The following XRN1 variants were observed in gnomAD, a reference collection of about 807,000 sequenced individuals.
XRN1 encodes strand-exchange protein 1 homolog.
In XRN1, 67 loss-of-function variants were observed where a neutral mutation model predicts 222.3. The ratio of observed to expected loss-of-function variants is 0.30; its 90% CI spans 0.25 to 0.37. XRN1 has a LOEUF of 0.37. Ranked by LOEUF, XRN1 falls within the 10% of genes least tolerant of loss-of-function variation. XRN1 has a pLI of 1.00. For missense variants in XRN1, 1,707 were observed against 2,000.2 expected (o/e 0.85, Z 2.80); for synonymous variants, 643 against 652.4 (o/e 0.99, Z 0.22).
rs983343795 is a variant in XRN1, at chr3:142,317,017, T to G, written c.4621+1575A>C. 3.1e-4 allele frequency among the ~76,000 whole-genome samples: 47 copies of G among 152,356 alleles called. 1 individual carries two copies. Among genetic ancestry groups the G allele is most frequent in the Middle Eastern group, 3.4e-3 (1 of 294 alleles). ...AGAGAAATTAGGATGAAACTCATTCTGCCTCAGGGTTTTGAGGTATTCAAT... is the reference window on the plus strand; with the variant it reads ...AGAGAAATTAGGATGAAACTCATTCGGCCTCAGGGTTTTGAGGTATTCAAT... On this transcript the variant is annotated intron_variant, in intron 39 of 40. Coordinates refer to ENST00000392981, the MANE Select transcript of XRN1 (RefSeq NM_001282857.2).
chr3:142,374,061 C>T (rs886520783), intron 25 of XRN1, among the ~76,000 whole-genome samples: 3 of 152,050 alleles, frequency 2.0e-5, no homozygotes, highest in East Asian at 3.8e-4. Context: ...GGCAAACTAT[C>T]GATCAAGTGC....
In XRN1 at chr3:142,307,716, C is replaced by T. The variant is rs184175476; in HGVS notation, c.*3795G>A. The T allele has an allele frequency of 4.6e-5, 7 of 152,150 alleles. 1 individual carries two copies. The highest frequency in any genetic ancestry group is 6.5e-5 in the Admixed American group (1 of 15,274). The allele number at this position is 152,150 out of a possible 1,614,324, so 9.4% of individuals were successfully genotyped here. A position where few individuals can be genotyped will look rare whatever the true frequency, so the allele number is the denominator to read the frequency against. On this transcript the variant is annotated 3_prime_UTR_variant, in exon 41 of 41. Coordinates refer to ENST00000392981, the MANE Select transcript of XRN1 (RefSeq NM_001282857.2). The stretch of plus-strand genomic sequence containing the variant: ...GAAATATGAATAAAGTCAGTCCGAA[C>T]GACATTAATTTCTGGAATTTTAAGC...
intron 3 of XRN1, 54 bp from the exon 4 acceptor site, chr3:142,425,592 T>C (rs912731418): frequency 1.4e-6 from 2 of 1,438,730 alleles, no homozygotes; most frequent in Non-Finnish European, 1.9e-6. Flanking sequence ...AAACATTAAG[T>C]TCTCAGTGAC....
At chr3:142,371,147 A>T in intron 26 of XRN1, 92 bp downstream of exon 26, 3 of 984,790 alleles carry the variant, frequency 3.0e-6, no homozygotes, top group South Asian at 1.5e-5. Flanking sequence ...AAAAAAAAAA[A>T]GTAATATGAA....
At chr3:142,391,691 G>A (rs562478918) in intron 20 of XRN1, among the ~76,000 whole-genome samples, 2 of 146,808 alleles carry the variant, frequency 1.4e-5, no homozygotes, top group Non-Finnish European at 3.0e-5. Context: ...ATATGAATGT[G>A]CCACTGCACT....
chr3:142,429,140 T>A (rs986159315), intron 2 of XRN1, among the ~76,000 whole-genome samples: 9 of 148,372 alleles, frequency 6.1e-5, no homozygotes, highest in African/African-American at 2.0e-4. Context: ...GATTTAGCCA[T>A]AATCTTTTTT....
At chr3:142,365,448 G>A (rs1577301447) in intron 27 of XRN1, 82 bp from the exon 28 acceptor site, 4 of 1,068,754 alleles carry the variant, frequency 3.7e-6, no homozygotes, top group South Asian at 2.3e-5. Context: ...CCACATGTCT[G>A]AATTTTAAAA....
At chr3:142,374,463 A>G (rs944795010) in intron 25 of XRN1, among the ~76,000 whole-genome samples, 4 of 152,240 alleles carry the variant, frequency 2.6e-5, no homozygotes, top group African/African-American at 4.8e-5. Context: ...AAAAATGTGT[A>G]CAAGAAATAA....
chr3:142,417,204 A>G lies in XRN1; in HGVS notation c.1372T>C (p.Cys458Arg). Residue 458 changes from cysteine to arginine, a missense_variant, in exon 13 of 41, where the codon TGT (cysteine) becomes CGT (arginine). By Grantham distance (180) the Cys-to-Arg change is radical (BLOSUM62 -3). Transcript: ENST00000392981. Reference sequence around the variant, plus strand: ...ATCCACTGTATTGCCTGAACATAACATGCAGCTTGATCAGCCAGAAAGTCA... The same window carrying G: ...ATCCACTGTATTGCCTGAACATAACGTGCAGCTTGATCAGCCAGAAAGTCA... ...SDDFLADQAA[C>R]YVQAIQWILH... 1 of 1,613,738 alleles carries G rather than the reference A, an allele frequency of 6.2e-7. No homozygotes were observed.
chr3:142,340,328 C>T (rs775075434), intron 33 of XRN1, among the ~76,000 whole-genome samples: 2 of 151,790 alleles, frequency 1.3e-5, no homozygotes, highest in African/African-American at 2.4e-5. Flanking sequence ...GCACTCCAGC[C>T]TGGGCAATAA....
chr3:142,338,767 GCTGA>G (rs2065911084), intron 33 of XRN1, among the ~76,000 whole-genome samples: 2 of 152,098 alleles, frequency 1.3e-5, no homozygotes, highest in Admixed American at 6.5e-5. Context: ...TTTATCACAA[GCTGA>G]CTGAAGAACC....
chr3:142,398,134 A>G (rs1222616006), intron 19 of XRN1, among the ~76,000 whole-genome samples: 2 of 151,992 alleles, frequency 1.3e-5, no homozygotes, highest in Non-Finnish European at 2.9e-5. Flanking sequence ...AGTCCCAGAT[A>G]CTCGGGAGGC....
At chr3:142,373,257 T>G (rs2067040656) in intron 25 of XRN1, among the ~76,000 whole-genome samples, 1 of 151,854 alleles carries the variant, frequency 6.6e-6, no homozygotes. Context: ...AAATAGAAAT[T>G]TTAAATGATA....
chr3:142,442,634 A>G (rs2070275518), intron 1 of XRN1, among the ~76,000 whole-genome samples: 1 of 152,248 alleles, frequency 6.6e-6, no homozygotes, highest in South Asian at 2.1e-4. Flanking sequence ...TTACTGGACC[A>G]GGCCTTTTCA....
intron 37 of XRN1, among the ~76,000 whole-genome samples, chr3:142,319,447 C>T (rs2065289994): frequency 1.3e-5 from 2 of 152,068 alleles, no homozygotes; most frequent in Admixed American, 6.6e-5. Flanking sequence ...GTGTTTTCTA[C>T]TCATATTTAA....
In XRN1 at chr3:142,311,608, T is replaced by C. The variant is rs1297114168; in HGVS notation, c.4988A>G (p.His1663Arg). The C allele has an allele frequency of 1.9e-6, 3 of 1,614,036 alleles. No individual in the cohort carries two copies. The highest frequency in any genetic ancestry group is 1.3e-5 in the African/African-American group (1 of 74,924). The change falls in exon 41 of 41, where the codon CAT (histidine) becomes CGT (arginine). Residue 1663 changes from histidine (H) to arginine (R), a missense_variant. Transcript: ENST00000392981. ...TGTTGACTTATGGTGAGATATACTA[T>C]GGCCTTGAGAGGCAGTTTCAACTTG... is the stretch of plus-strand genomic sequence containing the variant. ...SFQVETASQG[H>R]SISHHKSTPI...
chr3:142,432,482 C>T (rs2069672770), intron 2 of XRN1, among the ~76,000 whole-genome samples, 179 bp downstream of exon 2: 1 of 151,572 alleles, frequency 6.6e-6, no homozygotes, highest in Non-Finnish European at 1.5e-5. Context: ...AAGGACATCT[C>T]ACTGAGTTCC....
At chr3:142,401,540 C>T (rs549825247) in intron 18 of XRN1, among the ~76,000 whole-genome samples, 4 of 152,038 alleles carry the variant, frequency 2.6e-5, no homozygotes, top group African/African-American at 7.2e-5. Context: ...TGGTGAAACC[C>T]GGTCTCTACT....
intron 33 of XRN1, among the ~76,000 whole-genome samples, chr3:142,337,049 T>C (rs1395795306): frequency 1.3e-5 from 2 of 152,056 alleles, no homozygotes; most frequent in African/African-American, 4.8e-5. Flanking sequence ...GTTTAAAAGA[T>C]TTTAATACCT....
Sources: gnomAD v4.1 joint callset for allele counts (sites outside exome capture counted in the v4.1 genomes callset) on GRCh38, gnomAD v4.1.1 for gene constraint, MANE v1.5 for transcripts, NCBI Gene and HGNC (gene_info 2026-07-23, HGNC 2026-07-21) for gene names.